The following ARHGAP15 variants were observed in gnomAD, a reference collection of about 807,000 sequenced individuals.
The protein encoded by ARHGAP15 is rho GTPase-activating protein 15.
Under a neutral mutation model 63.7 loss-of-function variants are expected in ARHGAP15, and 51 were observed. The observed-to-expected ratio is 0.80, with a 90% CI of 0.64 to 1.01. ARHGAP15 has a LOEUF of 1.01. Ranked by LOEUF, ARHGAP15 falls within the 50% of genes least tolerant of loss-of-function variation. The pLI is 0.00. For missense variants in ARHGAP15, 560 were observed against 564.6 expected (o/e 0.99, Z 0.08); for synonymous variants, 191 against 193.8 (o/e 0.99, Z 0.12).
intron 12 of ARHGAP15, among the ~76,000 whole-genome samples, chr2:143,692,001 TG>T (rs1474227319): frequency 6.6e-6 from 1 of 152,224 alleles, no homozygotes; most frequent in Non-Finnish European, 1.5e-5. Flanking sequence ...TAAAATGCAG[TG>T]CAAAAGAGGA....
At chr2:143,601,532 T>G (rs1476760849) in intron 11 of ARHGAP15, 1 of 152,156 alleles carries the variant, frequency 6.6e-6, no homozygotes, top group African/African-American at 2.4e-5. Context: ...AGCTCTATGA[T>G]TATTCTGATG....
At chr2:143,632,370 TG>T (rs1457906892) in intron 12 of ARHGAP15, among the ~76,000 whole-genome samples, 1 of 152,140 alleles carries the variant, frequency 6.6e-6, no homozygotes, top group East Asian at 1.9e-4. Context: ...TATGAATGTA[TG>T]TATGCATAGG....
chr2:143,617,453 C>A (rs1036129366), intron 11 of ARHGAP15, among the ~76,000 whole-genome samples: 11 of 152,128 alleles, frequency 7.2e-5, no homozygotes, highest in African/African-American at 2.7e-4. Context: ...TCCTAAGGCT[C>A]CCTCCTTGGT....
At chr2:143,403,259 T>G (rs1475077573) in intron 6 of ARHGAP15, among the ~76,000 whole-genome samples, 1 of 151,850 alleles carries the variant, frequency 6.6e-6, no homozygotes, top group Non-Finnish European at 1.5e-5. Context: ...AGTCTTGTAT[T>G]AATTTGGAGA....
intron 2 of ARHGAP15, among the ~76,000 whole-genome samples, chr2:143,186,691 CACA>C (rs1691461828): frequency 6.6e-6 from 1 of 152,102 alleles, no homozygotes; most frequent in Non-Finnish European, 1.5e-5. Flanking sequence ...TGCCCAGGAC[CACA>C]ATTTGGGAAT....
At chr2:143,581,491 G>A (rs1696902252) in intron 11 of ARHGAP15, among the ~76,000 whole-genome samples, 1 of 152,082 alleles carries the variant, frequency 6.6e-6, no homozygotes, top group Non-Finnish European at 1.5e-5. Context: ...TTCCCAGGGA[G>A]AGGCAACCTC....
intron 5 of ARHGAP15, among the ~76,000 whole-genome samples, chr2:143,248,506 G>A (rs1446438826): frequency 6.6e-6 from 1 of 152,180 alleles, no homozygotes; most frequent in Non-Finnish European, 1.5e-5. Context: ...CAGTGACACT[G>A]CTTGGATCTA....
chr2:143,545,454 T>G (rs1421366214), intron 10 of ARHGAP15, among the ~76,000 whole-genome samples: 3 of 152,184 alleles, frequency 2.0e-5, no homozygotes, highest in African/African-American at 7.2e-5. Flanking sequence ...AGATTTTTAT[T>G]GGAACAGAGT....
intron 8 of ARHGAP15, chr2:143,480,631 G>A (rs900870370): frequency 3.3e-5 from 5 of 152,090 alleles, no homozygotes; most frequent in African/African-American, 1.2e-4. Flanking sequence ...TAGTTTTTCA[G>A]GCTGCAAGTT....
intron 12 of ARHGAP15, among the ~76,000 whole-genome samples, chr2:143,641,995 T>A (rs1019080999): frequency 6.6e-6 from 1 of 152,118 alleles, no homozygotes; most frequent in South Asian, 2.1e-4. Context: ...ATTTATATTA[T>A]GAAATACTAA....
chr2:143,435,023 C>A (rs1197156395), intron 6 of ARHGAP15, among the ~76,000 whole-genome samples: 1 of 152,108 alleles, frequency 6.6e-6, no homozygotes, highest in East Asian at 1.9e-4. Flanking sequence ...TTTTAATATA[C>A]TCCTTTTGTG....
chr2:143,291,113 A>C (rs1391086124), intron 6 of ARHGAP15, among the ~76,000 whole-genome samples: 1 of 152,130 alleles, frequency 6.6e-6, no homozygotes, highest in Non-Finnish European at 1.5e-5. Flanking sequence ...ATTGAGAGCA[A>C]CAGACTGTTT....
intron 6 of ARHGAP15, among the ~76,000 whole-genome samples, chr2:143,383,929 TAAAG>T (rs1044173232): frequency 1.3e-5 from 2 of 152,094 alleles, no homozygotes; most frequent in African/African-American, 4.8e-5. Flanking sequence ...TTTACAGCAA[TAAAG>T]AAACAGGTAT....
At chr2:143,335,265 C>A (rs989011891) in intron 6 of ARHGAP15, among the ~76,000 whole-genome samples, 4 of 152,204 alleles carry the variant, frequency 2.6e-5, no homozygotes, top group African/African-American at 7.2e-5. Context: ...GTGAGAAAAT[C>A]ACTTTCCTCC....
intron 3 of ARHGAP15, among the ~76,000 whole-genome samples, chr2:143,206,080 A>G (rs1331890634): frequency 2.0e-5 from 3 of 152,154 alleles, no homozygotes; most frequent in Non-Finnish European, 4.4e-5. Context: ...GAGTAGTAAC[A>G]TGATTAAGAC....
chr2:143,494,375 C>G (rs923353605), intron 9 of ARHGAP15, among the ~76,000 whole-genome samples: 2 of 152,096 alleles, frequency 1.3e-5, no homozygotes, highest in Non-Finnish European at 2.9e-5. Flanking sequence ...CATCTCATTT[C>G]TCACATACCA....
At chr2:143,448,324 A>G (rs1332570207) in intron 8 of ARHGAP15, among the ~76,000 whole-genome samples, 1 of 152,164 alleles carries the variant, frequency 6.6e-6, no homozygotes, top group African/African-American at 2.4e-5. Flanking sequence ...AGCCTAGTGA[A>G]AGACTTCAAT....
intron 5 of ARHGAP15, among the ~76,000 whole-genome samples, chr2:143,233,020 A>G (rs1693508175): frequency 6.6e-6 from 1 of 152,120 alleles, no homozygotes; most frequent in Admixed American, 6.6e-5. Context: ...GAGACCCTTT[A>G]CCTTCTACTA....
At chr2:143,152,593 C>T (rs1025575706) in intron 1 of ARHGAP15, among the ~76,000 whole-genome samples, 2 of 152,016 alleles carry the variant, frequency 1.3e-5, no homozygotes, top group East Asian at 1.9e-4. Context: ...CAGTAAAGGT[C>T]GAAGGGGTAT....
Sources: allele counts gnomAD v4.1 joint callset (sites outside exome capture counted in the v4.1 genomes callset), GRCh38; gene constraint gnomAD v4.1.1; transcripts MANE v1.5; gene names NCBI Gene and HGNC (gene_info 2026-07-23, HGNC 2026-07-21).